Variants in GIGYF2 observed in about 807,000 individuals in gnomAD.
GIGYF2 encodes GRB10-interacting GYF protein 2.
GIGYF2 carries 25 observed loss-of-function variants against 208.1 expected under a neutral mutation model. That is an observed-to-expected ratio of 0.12 (90% confidence interval 0.09 to 0.17). The LOEUF (loss-of-function observed/expected upper bound fraction) is 0.17. Among genes scored for constraint, GIGYF2 ranks in the 10% least tolerant of loss-of-function variants. The probability of loss-of-function intolerance (pLI) is 1.00; values close to 1 mark genes in which losing one functional copy is unlikely to be tolerated. For synonymous variants in GIGYF2, 534 were observed against 543.8 expected (o/e 0.98, Z 0.25); for missense variants, 1,302 against 1,579.4 (o/e 0.82, Z 2.98).
intron 26 of GIGYF2, 24 bp from the exon 27 acceptor site, chr2:232,847,324 A>G (rs766617776): frequency 1.2e-6 from 2 of 1,606,666 alleles, no homozygotes; most frequent in Non-Finnish European, 1.7e-6. Flanking sequence ...TGTTACCCTT[A>G]TCTTCTCCCC....
chr2:232,746,105 A>G (rs1698139417), intron 3 of GIGYF2, among the ~76,000 whole-genome samples: 1 of 152,070 alleles, frequency 6.6e-6, no homozygotes, highest in Admixed American at 6.6e-5. Flanking sequence ...AGAAAATACA[A>G]AAATTACACG....
At chr2:232,703,371 A>G (rs970173563) in intron 1 of GIGYF2, 53 bp from the exon 2 acceptor site, 1 of 152,630 alleles carries the variant, frequency 6.6e-6, no homozygotes, top group African/African-American at 2.4e-5. Flanking sequence ...GTACTTTTAA[A>G]GTTTCCTAAG....
intron 16 of GIGYF2, chr2:232,810,880 T>G: frequency 7.9e-6 from 2 of 254,382 alleles, no homozygotes; most frequent in South Asian, 9.0e-5. Context: ...AAGCTACTAA[T>G]TTGAATCTGT....
In GIGYF2 at chr2:232,756,059, C is replaced by T. The variant is rs955492707; in HGVS notation, c.268-164C>T. 3.9e-5 allele frequency among the ~76,000 whole-genome samples: 6 copies of T among 152,078 alleles called. No homozygotes were observed. In the East Asian group the frequency reaches 5.8e-4, roughly 15 times the overall value. ...GGTAAAATCAAGTTTTGGATCATTT[C>T]GTATGTTGTGCAGTTATGGTTTTCC... On this transcript the variant is annotated intron_variant, in intron 5 of 28. Transcript: ENST00000373563.
intron 8 of GIGYF2, chr2:232,768,585 C>A (rs146797648): frequency 1.2e-6 from 2 of 1,614,026 alleles, no homozygotes; most frequent in Admixed American, 3.3e-5. Flanking sequence ...TTCGTCAGAA[C>A]TGATGCCATC....
At chr2:232,768,928 G>C (rs1296939686) in intron 8 of GIGYF2, 3 of 882,374 alleles carry the variant, frequency 3.4e-6, no homozygotes, top group Non-Finnish European at 5.2e-6. Context: ...ATGCCTTTCA[G>C]TGAGTCAGGA....
At chr2:232,774,723 T>C (rs913602201) in intron 8 of GIGYF2, among the ~76,000 whole-genome samples, 1 of 152,170 alleles carries the variant, frequency 6.6e-6, no homozygotes, top group Non-Finnish European at 1.5e-5. Context: ...TAGTGCTTGT[T>C]CCACATTTGG....
intron 25 of GIGYF2, among the ~76,000 whole-genome samples, chr2:232,845,020 TTTC>T (rs1294876098): frequency 2.6e-5 from 4 of 152,224 alleles, no homozygotes; most frequent in African/African-American, 9.6e-5. Context: ...TTCATCTTTC[TTTC>T]TTCAATATAC....
chr2:232,801,072 A>T (rs1700384202), intron 14 of GIGYF2, among the ~76,000 whole-genome samples: 1 of 152,172 alleles, frequency 6.6e-6, no homozygotes, highest in Non-Finnish European at 1.5e-5. Context: ...TTAAAAAGAA[A>T]AAAAAGAGAC....
intron 17 of GIGYF2, among the ~76,000 whole-genome samples, chr2:232,811,802 G>A (rs1225237414): frequency 2.6e-5 from 4 of 152,104 alleles, no homozygotes; most frequent in Admixed American, 6.6e-5. Flanking sequence ...TCAGATTATC[G>A]TTCAGAGTAA....
intron 2 of GIGYF2, among the ~76,000 whole-genome samples, chr2:232,714,880 G>T (rs192765253): frequency 1.9e-3 from 291 of 152,008 alleles, no homozygotes; most frequent in African/African-American, 6.7e-3. Context: ...GGGGTTTGTG[G>T]TATAGATTAG....
At chr2:232,784,911 A>G (rs916938745) in intron 8 of GIGYF2, among the ~76,000 whole-genome samples, 9 of 151,864 alleles carry the variant, frequency 5.9e-5, no homozygotes, top group Non-Finnish European at 1.0e-4. Context: ...AATGAGTTCA[A>G]GAGTCTGGGA....
chr2:232,815,911 A>G (rs1451588074), intron 19 of GIGYF2, 174 bp downstream of exon 19: 1 of 598,920 alleles, frequency 1.7e-6, no homozygotes, highest in Non-Finnish European at 3.0e-6. Flanking sequence ...CCCAAAAAAA[A>G]AAAACTCAAA....
At position 232,814,575 on chromosome 2, in the gene GIGYF2, C is replaced by G. The variant is rs536042733; in HGVS notation, c.2108-1062C>G. The stretch of plus-strand genomic sequence containing the variant: ...GAGACTCCACCTCAAACCCCCCCCC[C>G]CCAAAAAAAAAGTACCTTCAGGCTA... On this transcript the variant is annotated intron_variant, in intron 18 of 28. Transcript: ENST00000373563. Among the ~76,000 whole-genome samples, 6 of 136,096 alleles carry G rather than the reference C, an allele frequency of 4.4e-5. 1 individual carries two copies. The highest frequency in any genetic ancestry group is 2.2e-4 in the East Asian group (1 of 4,626). 89.3% of individuals were successfully genotyped at this position (136,096 alleles called of 152,430 possible).
At chr2:232,704,013 A>G (rs1460870662) in intron 2 of GIGYF2, among the ~76,000 whole-genome samples, 9 of 152,210 alleles carry the variant, frequency 5.9e-5, no homozygotes, top group Admixed American at 3.9e-4. Flanking sequence ...CCAGTAGCCA[A>G]TTGATGCTAG....
chr2:232,820,637 G>GTAA (rs1278168763), intron 21 of GIGYF2, among the ~76,000 whole-genome samples: 3 of 151,900 alleles, frequency 2.0e-5, no homozygotes, highest in East Asian at 3.9e-4. Flanking sequence ...AATTTCTAAC[G>GTAA]TAATGATTTT....
chr2:232,811,072 A>G (rs113604705), intron 16 of GIGYF2, 172 bp from the exon 17 acceptor site: 1 of 581,930 alleles, frequency 1.7e-6, no homozygotes, highest in Non-Finnish European at 3.1e-6. Context: ...AGAATGAAGC[A>G]TAGAATTTTC....
At chr2:232,748,185 T>C (rs1330463139) in intron 4 of GIGYF2, among the ~76,000 whole-genome samples, 1 of 152,274 alleles carries the variant, frequency 6.6e-6, no homozygotes, top group Non-Finnish European at 1.5e-5. Flanking sequence ...ACTACATTTG[T>C]GTCACTTAGA....
Position 232,748,993 on chromosome 2 carries a change from T to G in GIGYF2, c.178T>G (p.Ser60Ala). The change falls in exon 5 of 29, where the codon TCA becomes GCA. Residue 60 changes from serine to alanine, a missense_variant. This residue lies in a region of GIGYF2 where 189 missense variants were observed against 257.7 expected (regional missense o/e 0.73). Transcript: ENST00000373563. ...CATGTGTTTGGTCCTACAGATACCTTCAGACCTTCTGGATAAAGAATTTCT... is the reference window on the plus strand; with the variant it reads ...CATGTGTTTGGTCCTACAGATACCTGCAGACCTTCTGGATAAAGAATTTCT... ...ALFLKDNKIP[S>A]DLLDKEFLPI... 1 of 1,542,124 alleles carries G rather than the reference T, an allele frequency of 6.5e-7. No individual in the cohort carries two copies. Among genetic ancestry groups the G allele is most frequent in the Non-Finnish European group, 9.0e-7 (1 of 1,114,348 alleles).
Sources: gnomAD v4.1 joint callset for allele counts (sites outside exome capture counted in the v4.1 genomes callset) on GRCh38, gnomAD v4.1.1 for gene constraint, gnomAD v4.1.1 regional missense constraint, MANE v1.5 for transcripts, NCBI Gene and HGNC (gene_info 2026-07-23, HGNC 2026-07-21) for gene names.